The following PALM2AKAP2 variants were observed in gnomAD, a reference collection of about 807,000 sequenced individuals.
PALM2AKAP2 encodes PALM2 and AKAP2 fusion, also known as PALM2-AKAP2 fusion protein.
In PALM2AKAP2, 37 loss-of-function variants were observed where a neutral mutation model predicts 71.5. The ratio of observed to expected loss-of-function variants is 0.52; its 90% CI spans 0.40 to 0.68. The LOEUF is 0.68. Ranked by LOEUF, PALM2AKAP2 falls within the 30% of genes least tolerant of loss-of-function variation. PALM2AKAP2 has a pLI of 0.00. For missense variants in PALM2AKAP2, 1,224 were observed against 1,191.8 expected (o/e 1.03, Z -0.40); for synonymous variants, 468 against 478.8 (o/e 0.98, Z 0.29).
At chr9:110,064,806 GC>G (rs1834040729) in intron 1 of PALM2AKAP2, among the ~76,000 whole-genome samples, 1 of 152,174 alleles carries the variant, frequency 6.6e-6, no homozygotes, top group South Asian at 2.1e-4. Context: ...GACCTCGGTG[GC>G]CCCGTGATAA....
intron 1 of PALM2AKAP2, among the ~76,000 whole-genome samples, chr9:109,693,805 T>G (rs1360838826): frequency 6.6e-6 from 1 of 152,094 alleles, no homozygotes; most frequent in African/African-American, 2.4e-5. Flanking sequence ...TGGTAAAATT[T>G]CAGTCCTTAA....
chr9:110,171,856 A>G (rs1836864311), exon 4 of PALM2AKAP2: 1 of 152,624 alleles, frequency 6.6e-6, no homozygotes. Context: ...TCCAGAGCTG[A>G]TTAACTACTG....
At chr9:110,006,401 T>C (rs935254370) in intron 6 of PALM2AKAP2, among the ~76,000 whole-genome samples, 6 of 147,166 alleles carry the variant, frequency 4.1e-5, no homozygotes, top group African/African-American at 1.3e-4. Flanking sequence ...TCTTACTCTG[T>C]CATGCAGTGT....
chr9:110,002,110 C>T (rs543971101), intron 6 of PALM2AKAP2, among the ~76,000 whole-genome samples: 1 of 152,266 alleles, frequency 6.6e-6, no homozygotes, highest in South Asian at 2.1e-4. Context: ...AAAGAGAATG[C>T]TTCCAGTTTT....
chr9:109,870,057 GAC>G (rs1829565022), intron 2 of PALM2AKAP2, among the ~76,000 whole-genome samples: 2 of 152,180 alleles, frequency 1.3e-5, no homozygotes, highest in African/African-American at 2.4e-5. Flanking sequence ...TCTGCAGAGA[GAC>G]CCCCAGCTTT....
intron 6 of PALM2AKAP2, among the ~76,000 whole-genome samples, chr9:109,940,914 T>C (rs1357806084): frequency 6.6e-6 from 1 of 152,202 alleles, no homozygotes; most frequent in Non-Finnish European, 1.5e-5. Context: ...CTCAAGTAAC[T>C]GTGGGCAGGA....
intron 3 of PALM2AKAP2, among the ~76,000 whole-genome samples, chr9:109,884,799 G>A (rs1037427878): frequency 1.3e-5 from 2 of 152,184 alleles, no homozygotes; most frequent in Non-Finnish European, 2.9e-5. Context: ...GTTGTGCCCT[G>A]AAGGTATTTT....
At position 109,841,379 on chromosome 9, in the gene PALM2AKAP2, G is replaced by A. The variant is rs561061807; in HGVS notation, c.46-26112G>A. On this transcript the variant is annotated intron_variant, in intron 1 of 9. Transcript: ENST00000302798. ...TGGGGCCTGTTGTGGGGTGGGGGTAGGGGGGAGGGATAGCATTAGGAGATA... is the reference window on the plus strand; with the variant it reads ...TGGGGCCTGTTGTGGGGTGGGGGTAAGGGGGAGGGATAGCATTAGGAGATA... Among the ~76,000 whole-genome samples the A allele has an allele frequency of 2.4e-3, 354 of 148,288 alleles. 1 individual carries two copies. The highest frequency in any genetic ancestry group is 8.3e-3 in the African/African-American group (331 of 39,876).
At chr9:109,659,907 C>T (rs1827363933) in intron 1 of PALM2AKAP2, among the ~76,000 whole-genome samples, 1 of 152,042 alleles carries the variant, frequency 6.6e-6, no homozygotes, top group Admixed American at 6.6e-5. Flanking sequence ...GTGGTGTGAT[C>T]ATGGTTTACT....
intron 1 of PALM2AKAP2, 90 bp from the exon 8 acceptor site, chr9:110,136,037 C>T (rs955312959): frequency 6.2e-6 from 9 of 1,441,160 alleles, no homozygotes; most frequent in South Asian, 1.6e-5. Context: ...TTCCATTTTC[C>T]TTCCTCTTAA....
intron 6 of PALM2AKAP2, chr9:109,942,605 T>G: frequency 6.8e-7 from 1 of 1,475,072 alleles, no homozygotes; most frequent in Non-Finnish European, 9.1e-7. Context: ...CAAAACCTTT[T>G]TTTTTGTCTG....
intron 7 of PALM2AKAP2, among the ~76,000 whole-genome samples, chr9:110,017,370 T>G (rs1418461375): frequency 3.3e-5 from 5 of 152,246 alleles, no homozygotes; most frequent in Non-Finnish European, 4.4e-5. Flanking sequence ...AAAAGTCAAC[T>G]AATCTAAGTG....
intron 1 of PALM2AKAP2, among the ~76,000 whole-genome samples, chr9:109,823,128 T>C (rs1022737764): frequency 6.6e-6 from 1 of 152,262 alleles, no homozygotes; most frequent in Non-Finnish European, 1.5e-5. Context: ...CCATAGTGGT[T>C]CCTGGATGCA....
At chr9:110,062,627 G>A (rs1475371643) in intron 1 of PALM2AKAP2, among the ~76,000 whole-genome samples, 1 of 152,200 alleles carries the variant, frequency 6.6e-6, no homozygotes, top group Admixed American at 6.5e-5. Flanking sequence ...GTTGTGGGAA[G>A]TGGTCCATCC....
At chr9:109,755,735 T>C (rs1828948811) in intron 1 of PALM2AKAP2, among the ~76,000 whole-genome samples, 1 of 152,066 alleles carries the variant, frequency 6.6e-6, no homozygotes, top group African/African-American at 2.4e-5. Context: ...TGCTTAACTT[T>C]TCCATAATGC....
At chr9:110,165,021 T>G (rs1227947004) in intron 3 of PALM2AKAP2, among the ~76,000 whole-genome samples, 1 of 152,114 alleles carries the variant, frequency 6.6e-6, no homozygotes, top group Non-Finnish European at 1.5e-5. Context: ...TGCCTTCTGC[T>G]AACTGGGTAA....
In PALM2AKAP2 at chr9:109,923,723, TG is replaced by T; in HGVS notation, c.258-11del. The stretch of plus-strand genomic sequence containing the variant: ...AATAAAGTAACTTGTCCTTTGTTTG[TG>T]TGTTTTCCAGGCTGGAGCAAGAAAT... On this transcript the variant is annotated splice_polypyrimidine_tract_variant and intron_variant, in intron 3 of 9. Coordinates refer to the PALM2AKAP2 transcript ENST00000302798. 6.3e-7 allele frequency: 1 copy of T among 1,583,902 alleles called. No homozygotes were observed. The highest frequency in any genetic ancestry group is 8.6e-7 in the Non-Finnish European group (1 of 1,169,004).
chr9:109,923,359 T>C (rs982290390), intron 3 of PALM2AKAP2, among the ~76,000 whole-genome samples: 2 of 152,216 alleles, frequency 1.3e-5, no homozygotes, highest in African/African-American at 4.8e-5. Context: ...GAGCACTTAC[T>C]CTGAGCCGGT....
At chr9:110,024,261 C>T (rs1006499240) in intron 7 of PALM2AKAP2, among the ~76,000 whole-genome samples, 4 of 152,172 alleles carry the variant, frequency 2.6e-5, no homozygotes, top group African/African-American at 7.2e-5. Flanking sequence ...CCCTCATGCC[C>T]TCCTATAGTT....
Sources: allele counts gnomAD v4.1 joint callset (sites outside exome capture counted in the v4.1 genomes callset), GRCh38; gene constraint gnomAD v4.1.1; transcripts MANE v1.5; gene names NCBI Gene and HGNC (gene_info 2026-07-23, HGNC 2026-07-21).